Variants in PRKG1 observed in about 807,000 individuals in gnomAD.
PRKG1 encodes cGMP-dependent protein kinase 1.
A neutral mutation model predicts 88.1 loss-of-function variants in PRKG1; 35 were observed. The observed-to-expected ratio is 0.40, with a 90% CI of 0.30 to 0.53. The LOEUF (loss-of-function observed/expected upper bound fraction) is 0.53. Ranked by LOEUF, PRKG1 falls within the 20% of genes least tolerant of loss-of-function variation. PRKG1 has a pLI of 0.59. For missense variants in PRKG1, 540 were observed against 839.8 expected (o/e 0.64, Z 4.41); for synonymous variants, 303 against 292.5 (o/e 1.04, Z -0.37).
At chr10:51,005,659 G>T (rs1057118932) in intron 1 of PRKG1, among the ~76,000 whole-genome samples, 4 of 152,294 alleles carry the variant, frequency 2.6e-5, no homozygotes, top group African/African-American at 4.8e-5. Flanking sequence ...TAGCAGAGCC[G>T]CTTTTGAAGG....
intron 9 of PRKG1, among the ~76,000 whole-genome samples, chr10:52,212,088 C>T (rs1436567643): frequency 6.6e-6 from 1 of 152,050 alleles, no homozygotes; most frequent in Admixed American, 6.6e-5. Context: ...AAATCGGGCA[C>T]CCCCCAGAAC....
chr10:51,771,986 T>C (rs1838316094), intron 3 of PRKG1, among the ~76,000 whole-genome samples: 1 of 152,156 alleles, frequency 6.6e-6, no homozygotes, highest in Admixed American at 6.6e-5. Flanking sequence ...ATTGTTATGG[T>C]ATTTTTATTT....
At chr10:51,785,326 G>A (rs960333010) in intron 3 of PRKG1, among the ~76,000 whole-genome samples, 2 of 151,866 alleles carry the variant, frequency 1.3e-5, no homozygotes, top group Non-Finnish European at 2.9e-5. Context: ...TGTTACTGTG[G>A]CATAACCCTG....
At chr10:51,675,428 C>A (rs751948931) in intron 3 of PRKG1, among the ~76,000 whole-genome samples, 45 of 152,110 alleles carry the variant, frequency 3.0e-4, no homozygotes, top group Non-Finnish European at 1.0e-4. Context: ...CAATTTTTAT[C>A]AAGTCAAGAC....
Position 52,290,289 on chromosome 10 carries a change from G to C in PRKG1, c.1961G>C (p.Ser654Thr), listed in dbSNP as rs759599450. 8 of 1,606,166 alleles carry C rather than the reference G, an allele frequency of 5.0e-6. No homozygotes were observed. Among genetic ancestry groups the C allele is most frequent in the Non-Finnish European group, 6.8e-6 (8 of 1,173,370 alleles). ...ACCTTGACACCTCCTATAATACCAA[G>C]TGTAAGTAGACTTTCCAGCTTATAA... ...KGTLTPPIIP[S>T]VASPTDTSNF... Residue 654 changes from serine (S) to threonine (T), a missense_variant and splice_region_variant, in exon 17 of 18, where the codon AGT becomes ACT. Physicochemically the swap from Ser to Thr is moderately conservative, Grantham distance 58. Coordinates refer to ENST00000373980, the MANE Select transcript of PRKG1 (RefSeq NM_006258.4).
chr10:51,961,009 C>T (rs1012543972), intron 5 of PRKG1, among the ~76,000 whole-genome samples: 1 of 152,124 alleles, frequency 6.6e-6, no homozygotes, highest in Non-Finnish European at 1.5e-5. Context: ...CATGTTATCA[C>T]ACAGGCTATT....
intron 3 of PRKG1, among the ~76,000 whole-genome samples, chr10:51,585,290 A>G (rs188862784): frequency 5.9e-5 from 9 of 152,270 alleles, no homozygotes; most frequent in Non-Finnish European, 1.2e-4. Flanking sequence ...GCTCCTTTGC[A>G]TAATTTATAA....
chr10:51,236,996 C>T (rs1317212871), intron 2 of PRKG1, among the ~76,000 whole-genome samples: 1 of 152,142 alleles, frequency 6.6e-6, no homozygotes, highest in Non-Finnish European at 1.5e-5. Flanking sequence ...ATCAGACTTC[C>T]TGTTTTGCTC....
chr10:51,333,995 G>A (rs61852107), intron 2 of PRKG1, among the ~76,000 whole-genome samples: 39 of 152,170 alleles, frequency 2.6e-4, no homozygotes, highest in African/African-American at 8.4e-4. Flanking sequence ...CAATTGTGTC[G>A]CTGTTCTTTT....
intron 2 of PRKG1, among the ~76,000 whole-genome samples, chr10:51,389,692 C>G (rs963068285): frequency 2.0e-5 from 3 of 152,084 alleles, no homozygotes; most frequent in African/African-American, 7.2e-5. Flanking sequence ...AAGTTATTTT[C>G]CATATATAGA....
chr10:51,197,806 C>T (rs538747342), intron 2 of PRKG1, among the ~76,000 whole-genome samples: 12 of 150,230 alleles, frequency 8.0e-5, no homozygotes, highest in African/African-American at 2.9e-4. Flanking sequence ...TTAAGAGGTG[C>T]TATTAGGCTG....
chr10:51,984,395 T>A (rs1156623053), intron 5 of PRKG1, among the ~76,000 whole-genome samples: 1 of 152,236 alleles, frequency 6.6e-6, no homozygotes, highest in Non-Finnish European at 1.5e-5. Context: ...ATTATTTAAT[T>A]ATTGACAAAA....
chr10:52,076,922 G>T (rs1190595262), intron 7 of PRKG1, among the ~76,000 whole-genome samples: 1 of 150,912 alleles, frequency 6.6e-6, no homozygotes, highest in Non-Finnish European at 1.5e-5. Flanking sequence ...AAATTAAAAG[G>T]ATTGATCATA....
chr10:51,891,070 T>C (rs902417791), intron 4 of PRKG1, among the ~76,000 whole-genome samples: 1 of 149,944 alleles, frequency 6.7e-6, no homozygotes, highest in Admixed American at 6.7e-5. Context: ...GACATCAGCC[T>C]GGGCAACATA....
intron 5 of PRKG1, among the ~76,000 whole-genome samples, chr10:52,031,088 C>G (rs767541842): frequency 6.6e-6 from 1 of 151,982 alleles, no homozygotes; most frequent in Non-Finnish European, 1.5e-5. Context: ...CTCATTATCC[C>G]TAATGTCATT....
At chr10:51,984,934 C>T (rs1179891620) in intron 5 of PRKG1, among the ~76,000 whole-genome samples, 1 of 152,132 alleles carries the variant, frequency 6.6e-6, no homozygotes, top group African/African-American at 2.4e-5. Flanking sequence ...TCCCTCTGGG[C>T]AGTACCCTTA....
intron 7 of PRKG1, among the ~76,000 whole-genome samples, chr10:52,081,842 A>C (rs1846783286): frequency 6.8e-6 from 1 of 148,124 alleles, no homozygotes; most frequent in African/African-American, 2.5e-5. Flanking sequence ...AGTGAGCCAC[A>C]GCTATCTGAG....
chr10:51,939,669 C>T (rs941860667), intron 5 of PRKG1, among the ~76,000 whole-genome samples: 2 of 151,406 alleles, frequency 1.3e-5, no homozygotes, highest in African/African-American at 4.9e-5. Flanking sequence ...CTTTTTTGGC[C>T]TCTGGTAAGT....
intron 3 of PRKG1, among the ~76,000 whole-genome samples, chr10:51,534,380 G>A (rs992823697): frequency 4.0e-5 from 6 of 151,852 alleles, no homozygotes; most frequent in Admixed American, 2.0e-4. Flanking sequence ...AATGAAAGGC[G>A]GCTCTGGGCT....
Sources: gnomAD v4.1 joint callset for allele counts (sites outside exome capture counted in the v4.1 genomes callset) on GRCh38, gnomAD v4.1.1 for gene constraint, MANE v1.5 for transcripts, NCBI Gene and HGNC (gene_info 2026-07-23, HGNC 2026-07-21) for gene names.